ARHGAP24: variants seen among roughly 807,000 people sequenced by gnomAD.
ARHGAP24 encodes the protein rho GTPase-activating protein 24.
In ARHGAP24, 50 loss-of-function variants were observed where a neutral mutation model predicts 76.4. That is an observed-to-expected ratio of 0.65 (90% CI 0.52 to 0.83). The LOEUF (loss-of-function observed/expected upper bound fraction) is 0.83. Ranked by LOEUF, ARHGAP24 falls within the 40% of genes least tolerant of loss-of-function variation. ARHGAP24 has a pLI of 0.00. For missense variants in ARHGAP24, 930 were observed against 914.2 expected (o/e 1.02, Z -0.22); for synonymous variants, 345 against 323.3 (o/e 1.07, Z -0.72).
Position 85,714,644 on chromosome 4 carries a change from T to A in ARHGAP24, c.181-7241T>A, listed in dbSNP as rs144555251. On this transcript the variant is annotated intron_variant, in intron 2 of 9. Coordinates refer to ENST00000395184, the MANE Select transcript of ARHGAP24 (RefSeq NM_001025616.3). ...TCTACAGTGTGTACGGCTTTATTGA[T>A]AGTATGCTACAGTTTTCTATAAGGA... Among the ~76,000 whole-genome samples the A allele has an allele frequency of 3.9e-4, 59 of 152,264 alleles. 1 individual carries two copies. Among genetic ancestry groups the A allele is most frequent in the African/African-American group, 1.4e-3 (57 of 41,576 alleles).
chr4:85,499,020 T>G (rs772991546), intron 1 of ARHGAP24, among the ~76,000 whole-genome samples: 10 of 152,344 alleles, frequency 6.6e-5, no homozygotes, highest in South Asian at 4.1e-4. Context: ...ACAGTTAAGC[T>G]CCTCTCATTT....
intron 5 of ARHGAP24, among the ~76,000 whole-genome samples, chr4:85,955,217 C>A (rs893406888): frequency 6.6e-6 from 1 of 151,892 alleles, no homozygotes; most frequent in Admixed American, 6.6e-5. Context: ...TAAGCCCATG[C>A]TCCCCCCGCC....
chr4:85,606,405 C>T (rs972375099), intron 2 of ARHGAP24, among the ~76,000 whole-genome samples: 2 of 151,282 alleles, frequency 1.3e-5, no homozygotes, highest in East Asian at 1.9e-4. Context: ...CCCAGCTACT[C>T]GGGAGGCTGA....
intron 3 of ARHGAP24, among the ~76,000 whole-genome samples, chr4:85,809,002 T>A (rs528579665): frequency 6.6e-6 from 1 of 152,174 alleles, no homozygotes; most frequent in African/African-American, 2.4e-5. Context: ...TCCTCCCACC[T>A]TTCATCCAAT....
chr4:86,002,433 A>G lies in ARHGAP24; in HGVS notation c.*1711A>G, dbSNP rs1297553182. 1 of 152,198 alleles carries G rather than the reference A, an allele frequency of 6.6e-6. No individual in the cohort carries two copies. The highest frequency in any genetic ancestry group is 1.9e-4 in the East Asian group (1 of 5,196). 9.4% of individuals were successfully genotyped at this position (152,198 alleles called of 1,614,324 possible). A position where few individuals can be genotyped will look rare whatever the true frequency, so the allele number is the denominator to read the frequency against. Reference sequence around the variant, plus strand: ...TAGGAAATTCAAACTCAAAATATGAAAATTGATCTTAATAACTCTCCCTTC... The same window carrying G: ...TAGGAAATTCAAACTCAAAATATGAGAATTGATCTTAATAACTCTCCCTTC... On this transcript the variant is annotated 3_prime_UTR_variant, in exon 10 of 10. Coordinates refer to ENST00000395184, the MANE Select transcript of ARHGAP24 (RefSeq NM_001025616.3).
intron 2 of ARHGAP24, among the ~76,000 whole-genome samples, chr4:85,705,251 A>G (rs1403792728): frequency 6.6e-6 from 1 of 152,110 alleles, no homozygotes; most frequent in African/African-American, 2.4e-5. Flanking sequence ...GGATATATTT[A>G]AAAATTATTT....
intron 1 of ARHGAP24, among the ~76,000 whole-genome samples, chr4:85,502,515 C>G (rs1723863060): frequency 6.6e-6 from 1 of 152,128 alleles, no homozygotes; most frequent in South Asian, 2.1e-4. Context: ...CATGATTTGG[C>G]TCTCTGTCTG....
intron 9 of ARHGAP24, among the ~76,000 whole-genome samples, chr4:85,998,587 C>T (rs1271277966): frequency 6.6e-6 from 1 of 151,914 alleles, no homozygotes. Flanking sequence ...TATGTTTGAC[C>T]TTGTTAATCT....
intron 1 of ARHGAP24, among the ~76,000 whole-genome samples, chr4:85,480,143 C>A (rs1205532019): frequency 1.3e-5 from 2 of 151,912 alleles, no homozygotes; most frequent in Admixed American, 6.6e-5. Flanking sequence ...AATATGATAC[C>A]CCCCCTTTTT....
chr4:85,674,401 G>T (rs1459562645), intron 2 of ARHGAP24, among the ~76,000 whole-genome samples: 1 of 152,156 alleles, frequency 6.6e-6, no homozygotes, highest in Non-Finnish European at 1.5e-5. Context: ...CTTTTAGGGA[G>T]ATTATATGAA....
chr4:85,727,523 CTTA>C (rs1478095238), intron 3 of ARHGAP24, among the ~76,000 whole-genome samples: 4 of 152,100 alleles, frequency 2.6e-5, no homozygotes, highest in African/African-American at 9.7e-5. Context: ...AGTGATCTTC[CTTA>C]TTATGAATAA....
chr4:85,703,121 A>G (rs1469011695), intron 2 of ARHGAP24, among the ~76,000 whole-genome samples: 1 of 152,210 alleles, frequency 6.6e-6, no homozygotes, highest in Non-Finnish European at 1.5e-5. Flanking sequence ...TGAGGCTATG[A>G]AAGAAGTAGA....
At chr4:85,780,803 C>T (rs1011793300) in intron 3 of ARHGAP24, among the ~76,000 whole-genome samples, 1 of 152,140 alleles carries the variant, frequency 6.6e-6, no homozygotes, top group Non-Finnish European at 1.5e-5. Context: ...GGCTTGTGTC[C>T]AAGTTCTTAG....
chr4:85,572,366 G>A (rs1727174069), intron 2 of ARHGAP24, among the ~76,000 whole-genome samples: 1 of 152,108 alleles, frequency 6.6e-6, no homozygotes. Context: ...CAGGCGATAT[G>A]ATAATATCTT....
intron 3 of ARHGAP24, among the ~76,000 whole-genome samples, chr4:85,880,842 C>T (rs1733212715): frequency 6.6e-6 from 1 of 152,190 alleles, no homozygotes; most frequent in African/African-American, 2.4e-5. Context: ...TTAACCTTTG[C>T]AGTTTGAGGT....
intron 3 of ARHGAP24, among the ~76,000 whole-genome samples, chr4:85,826,083 A>G (rs1426175411): frequency 6.6e-6 from 1 of 152,186 alleles, no homozygotes; most frequent in Non-Finnish European, 1.5e-5. Flanking sequence ...TGTGTGTCTC[A>G]TAAGACGGGT....
intron 4 of ARHGAP24, among the ~76,000 whole-genome samples, chr4:85,933,861 A>G (rs1736487218): frequency 6.6e-6 from 1 of 152,104 alleles, no homozygotes; most frequent in Non-Finnish European, 1.5e-5. Context: ...TTTTTCGTGA[A>G]CTACTCCTTT....
At chr4:85,658,128 T>C (rs192102955) in intron 2 of ARHGAP24, among the ~76,000 whole-genome samples, 1 of 152,306 alleles carries the variant, frequency 6.6e-6, no homozygotes, top group Admixed American at 6.5e-5. Flanking sequence ...TTTTTCAGTC[T>C]GACAAAAGAA....
chr4:85,830,264 C>G (rs1182181094), intron 3 of ARHGAP24, among the ~76,000 whole-genome samples: 2 of 152,100 alleles, frequency 1.3e-5, no homozygotes, highest in East Asian at 1.9e-4. Flanking sequence ...CCCTTGGGAC[C>G]AGGGAAAATC....
Sources: allele counts gnomAD v4.1 joint callset (sites outside exome capture counted in the v4.1 genomes callset), GRCh38; gene constraint gnomAD v4.1.1; transcripts MANE v1.5; gene names NCBI Gene and HGNC (gene_info 2026-07-23, HGNC 2026-07-21).